The following PLEKHM3 variants were observed in gnomAD, a reference collection of about 807,000 sequenced individuals.
The protein encoded by PLEKHM3 is pleckstrin homology domain-containing family M member 3.
In PLEKHM3, 45 loss-of-function variants were observed where a neutral mutation model predicts 81.8. The ratio of observed to expected loss-of-function variants is 0.55; its 90% confidence interval spans 0.43 to 0.71. The LOEUF (loss-of-function observed/expected upper bound fraction) is 0.71. Ranked by LOEUF, PLEKHM3 falls within the 30% of genes least tolerant of loss-of-function variation. The probability of loss-of-function intolerance (pLI) is 0.00; values close to 1 mark genes in which losing one functional copy is unlikely to be tolerated. For synonymous variants in PLEKHM3, 352 were observed against 356.4 expected (o/e 0.99, Z 0.14); for missense variants, 788 against 924.3 (o/e 0.85, Z 1.91).
At chr2:207,882,935 A>G (rs776223279) in intron 6 of PLEKHM3, among the ~76,000 whole-genome samples, 1 of 151,888 alleles carries the variant, frequency 6.6e-6, no homozygotes, top group African/African-American at 2.4e-5. Flanking sequence ...TTTAGTAGAG[A>G]CAGGGTTTCA....
chr2:207,992,892 A>G (rs1198486296), intron 2 of PLEKHM3, among the ~76,000 whole-genome samples: 1 of 152,208 alleles, frequency 6.6e-6, no homozygotes, highest in Non-Finnish European at 1.5e-5. Flanking sequence ...GCTTGAAAGC[A>G]CATGGCACTT....
chr2:207,949,341 A>G (rs1364703599), intron 3 of PLEKHM3, among the ~76,000 whole-genome samples: 1 of 152,224 alleles, frequency 6.6e-6, no homozygotes, highest in Non-Finnish European at 1.5e-5. Context: ...TGAGCCCAGG[A>G]GTTTGAGACC....
intron 4 of PLEKHM3, 38 bp downstream of exon 4, chr2:207,946,329 A>G: frequency 6.3e-7 from 1 of 1,589,420 alleles, no homozygotes; most frequent in Non-Finnish European, 8.6e-7. Context: ...TGAACACCTG[A>G]ATTATTATTA....
At chr2:207,921,110 A>G (rs1689167569) in intron 5 of PLEKHM3, among the ~76,000 whole-genome samples, 2 of 151,376 alleles carry the variant, frequency 1.3e-5, no homozygotes, top group Non-Finnish European at 2.9e-5. Flanking sequence ...GTGCAGTGGC[A>G]CTATCTTGGC....
chr2:207,875,186 T>C (rs1334859424), intron 6 of PLEKHM3, among the ~76,000 whole-genome samples: 1 of 152,106 alleles, frequency 6.6e-6, no homozygotes. Flanking sequence ...TTCCTTAGTA[T>C]ACACAAAGCT....
At chr2:207,885,997 C>T (rs905953801) in intron 6 of PLEKHM3, among the ~76,000 whole-genome samples, 1 of 152,076 alleles carries the variant, frequency 6.6e-6, no homozygotes, top group African/African-American at 2.4e-5. Context: ...TGAACAGTGG[C>T]ACCCCAATAT....
chr2:207,930,716 T>C (rs1331305378), intron 5 of PLEKHM3, among the ~76,000 whole-genome samples: 2 of 152,290 alleles, frequency 1.3e-5, no homozygotes, highest in East Asian at 3.9e-4. Flanking sequence ...GAATGTTATT[T>C]TCATTTTGCT....
intron 3 of PLEKHM3, among the ~76,000 whole-genome samples, chr2:207,955,435 C>A (rs1690470406): frequency 6.6e-6 from 1 of 152,016 alleles, no homozygotes. Flanking sequence ...AAGAACTAAG[C>A]AAATGGATAA....
intron 3 of PLEKHM3, among the ~76,000 whole-genome samples, chr2:207,955,215 G>C (rs1690463018): frequency 6.6e-6 from 1 of 152,054 alleles, no homozygotes. Flanking sequence ...CTTCAATAGT[G>C]CTTTTATTGG....
intron 5 of PLEKHM3, among the ~76,000 whole-genome samples, chr2:207,917,899 T>C (rs193063441): frequency 1.3e-5 from 2 of 152,218 alleles, no homozygotes; most frequent in East Asian, 3.9e-4. Flanking sequence ...CTAGAGCAAG[T>C]GTATTTGATT....
intron 6 of PLEKHM3, chr2:207,901,346 T>G: frequency 1.4e-6 from 1 of 703,034 alleles, no homozygotes; most frequent in Non-Finnish European, 2.6e-6. Context: ...AAGAACAATC[T>G]GCACCAGCAC....
At chr2:207,849,831 T>C (rs2092402779) in intron 7 of PLEKHM3, among the ~76,000 whole-genome samples, 1 of 152,374 alleles carries the variant, frequency 6.6e-6, no homozygotes, top group Admixed American at 6.5e-5. Flanking sequence ...AATGCATATA[T>C]ACTTAGGCAA....
chr2:208,016,649 CAAAAA>C (rs1234374383), intron 1 of PLEKHM3, among the ~76,000 whole-genome samples: 1 of 66,252 alleles, frequency 1.5e-5, no homozygotes, highest in Non-Finnish European at 3.0e-5. Flanking sequence ...GACTTTGTCT[CAAAAA>C]AAAAAAAAAA....
At chr2:208,024,057 C>G (rs999165673) in intron 1 of PLEKHM3, among the ~76,000 whole-genome samples, 4 of 151,540 alleles carry the variant, frequency 2.6e-5, no homozygotes, top group African/African-American at 9.7e-5. Flanking sequence ...GTGGAAGGAT[C>G]GCTTGAGTCC....
At chr2:207,889,989 G>C (rs1294731241) in intron 6 of PLEKHM3, among the ~76,000 whole-genome samples, 1 of 152,046 alleles carries the variant, frequency 6.6e-6, no homozygotes, top group Non-Finnish European at 1.5e-5. Flanking sequence ...ATTTTTAGTA[G>C]AGACGGGGTT....
intron 1 of PLEKHM3, among the ~76,000 whole-genome samples, chr2:208,004,044 TTC>T (rs1217077857): frequency 6.6e-6 from 1 of 152,210 alleles, no homozygotes; most frequent in African/African-American, 2.4e-5. Flanking sequence ...ATTTGTTTCT[TTC>T]TCTTTTTTTT....
chr2:207,931,879 G>A (rs910573651), intron 4 of PLEKHM3, among the ~76,000 whole-genome samples: 4 of 152,178 alleles, frequency 2.6e-5, no homozygotes, highest in African/African-American at 7.2e-5. Flanking sequence ...AGGTTAAGGC[G>A]GGAGAATTGC....
chr2:207,871,908 A>G (rs1022906772), intron 6 of PLEKHM3, among the ~76,000 whole-genome samples: 3 of 152,228 alleles, frequency 2.0e-5, no homozygotes, highest in Non-Finnish European at 4.4e-5. Flanking sequence ...AGTTAGTTAC[A>G]TGTTTGAAAT....
chr2:207,952,298 C>T (rs1230466218), intron 3 of PLEKHM3, among the ~76,000 whole-genome samples: 2 of 152,152 alleles, frequency 1.3e-5, no homozygotes, highest in African/African-American at 2.4e-5. Flanking sequence ...CTTCCCTGTC[C>T]CTCCTTCCAT....
Sources: gnomAD v4.1 joint callset for allele counts (sites outside exome capture counted in the v4.1 genomes callset) on GRCh38, gnomAD v4.1.1 for gene constraint, MANE v1.5 for transcripts, NCBI Gene and HGNC (gene_info 2026-07-23, HGNC 2026-07-21) for gene names.